PTPRA: variants seen among roughly 807,000 people sequenced by gnomAD.
The protein encoded by PTPRA is receptor-type tyrosine-protein phosphatase alpha.
Under a neutral mutation model 104.8 loss-of-function variants are expected in PTPRA, and 25 were observed. That is an observed-to-expected ratio of 0.24 (90% CI 0.17 to 0.33). The LOEUF (loss-of-function observed/expected upper bound fraction) is 0.33. Ranked by LOEUF, PTPRA falls within the 10% of genes least tolerant of loss-of-function variation. PTPRA has a pLI of 1.00. For synonymous variants in PTPRA, 323 were observed against 368.9 expected, an observed-to-expected ratio of 0.88 and a Z score of 1.43; for missense variants, 765 against 1,015.3, an observed-to-expected ratio of 0.75 and a Z score of 3.35.
intron 8 of PTPRA, 64 bp downstream of exon 8, chr20:2,988,169 TC>T: frequency 6.6e-7 from 1 of 1,525,050 alleles, no homozygotes; most frequent in Non-Finnish European, 9.0e-7. Flanking sequence ...ATTAGGAGTT[TC>T]TCCATCCTTT....
At position 2,964,757 on chromosome 20, in the gene PTPRA, T is replaced by A. The variant is rs2061884767; in HGVS notation, c.74-104T>A. The A allele has an allele frequency of 2.9e-6, 3 of 1,019,582 alleles. No individual in the cohort carries two copies. In the South Asian group the frequency reaches 4.9e-5, roughly 17 times the overall value. 63.2% of individuals were successfully genotyped at this position (1,019,582 alleles called of 1,614,324 possible). ...TTGAGGGGGATTGGTCTTTGCTTGGTCTCCATATGTTTGAGAGTTTATTAA... is the reference window on the plus strand; with the variant it reads ...TTGAGGGGGATTGGTCTTTGCTTGGACTCCATATGTTTGAGAGTTTATTAA... On this transcript the variant is annotated intron_variant, in intron 4 of 23. Transcript: ENST00000399903.
At chr20:2,990,167 G>C (rs1398918447) in intron 9 of PTPRA, among the ~76,000 whole-genome samples, 2 of 152,212 alleles carry the variant, frequency 1.3e-5, no homozygotes, top group African/African-American at 4.8e-5. Flanking sequence ...ATGGGGGATG[G>C]ATTTAAGGAC....
intron 1 of PTPRA, among the ~76,000 whole-genome samples, chr20:2,881,497 T>G (rs2090047908): frequency 6.6e-6 from 1 of 152,152 alleles, no homozygotes; most frequent in African/African-American, 2.4e-5. Flanking sequence ...TAACTTCAAT[T>G]ATTAAAATTT....
chr20:3,021,211 C>G (rs1310534393), intron 13 of PTPRA, 98 bp from the exon 14 acceptor site: 1 of 1,543,756 alleles, frequency 6.5e-7, no homozygotes, highest in Non-Finnish European at 8.8e-7. Flanking sequence ...TTCTGGGGGA[C>G]TTTAATCTGG....
At chr20:2,993,352 G>C (rs1045083513) in intron 9 of PTPRA, among the ~76,000 whole-genome samples, 1 of 152,192 alleles carries the variant, frequency 6.6e-6, no homozygotes, top group African/African-American at 2.4e-5. Context: ...GTATTTTTAT[G>C]TCTGACATGT....
intron 3 of PTPRA, among the ~76,000 whole-genome samples, chr20:2,954,611 A>G (rs990049884): frequency 9.9e-5 from 15 of 152,154 alleles, no homozygotes; most frequent in African/African-American, 3.6e-4. Flanking sequence ...TCCTTATTGG[A>G]TATGTGATTG....
intron 9 of PTPRA, among the ~76,000 whole-genome samples, chr20:2,989,778 G>A (rs569800005): frequency 2.0e-4 from 30 of 152,300 alleles, no homozygotes; most frequent in Admixed American, 9.8e-4. Flanking sequence ...AGCACTTTGG[G>A]AGGCCAAGGC....
chr20:2,905,931 C>T (rs931189582), intron 1 of PTPRA, among the ~76,000 whole-genome samples: 1 of 151,944 alleles, frequency 6.6e-6, no homozygotes, highest in Admixed American at 6.6e-5. Context: ...GGTGATCCAC[C>T]CGCCTCGGCC....
chr20:2,995,195 AATCTAT>A (rs1486016058), intron 9 of PTPRA, among the ~76,000 whole-genome samples: 2 of 152,176 alleles, frequency 1.3e-5, no homozygotes, highest in Non-Finnish European at 2.9e-5. Flanking sequence ...ACGTCTCCAA[AATCTAT>A]ATCAACAATT....
chr20:2,935,193 T>A (rs2060646824), intron 2 of PTPRA, among the ~76,000 whole-genome samples: 2 of 152,202 alleles, frequency 1.3e-5, no homozygotes, highest in Non-Finnish European at 2.9e-5. Context: ...TACTCTCTAT[T>A]TCTATGAATT....
intron 1 of PTPRA, among the ~76,000 whole-genome samples, chr20:2,874,211 GGCCCCTCTCC>G (rs2089555859): frequency 2.0e-5 from 1 of 49,818 alleles, no homozygotes; most frequent in Admixed American, 1.9e-4. Flanking sequence ...CCGTCTCCCA[GGCCCCTCTCC>G]TTGCCGCCCT....
intron 2 of PTPRA, among the ~76,000 whole-genome samples, chr20:2,943,209 C>G (rs1195984812): frequency 2.9e-5 from 3 of 103,380 alleles, no homozygotes; most frequent in African/African-American, 7.6e-5. Context: ...GAACATATCC[C>G]CCCACCCCCC....
chr20:2,941,681 TCCAGCTTC>T (rs2060926331), intron 2 of PTPRA, among the ~76,000 whole-genome samples: 2 of 152,262 alleles, frequency 1.3e-5, no homozygotes, highest in Non-Finnish European at 2.9e-5. Context: ...TGTATACATC[TCCAGCTTC>T]CTGGCACCTG....
intron 11 of PTPRA, among the ~76,000 whole-genome samples, chr20:3,013,380 G>A (rs2148361333): frequency 6.6e-6 from 1 of 151,836 alleles, no homozygotes; most frequent in East Asian, 1.9e-4. Context: ...GGAGAAACCA[G>A]TTTCCTTACT....
intron 3 of PTPRA, among the ~76,000 whole-genome samples, chr20:2,962,435 G>A (rs1246037278): frequency 6.6e-6 from 1 of 152,176 alleles, no homozygotes; most frequent in East Asian, 1.9e-4. Context: ...TATATGGAAT[G>A]AGGTGGTGGT....
chr20:2,866,267 C>T, the PTPRA span: 1 of 1,614,148 alleles, frequency 6.2e-7, no homozygotes, highest in Non-Finnish European at 8.5e-7. Context: ...AAGAAGTATG[C>T]TTCCCGCGTG....
intron 6 of PTPRA, among the ~76,000 whole-genome samples, chr20:2,980,322 C>T (rs1039837192): frequency 2.0e-5 from 3 of 151,638 alleles, no homozygotes; most frequent in African/African-American, 7.3e-5. Context: ...AATCCCAGCA[C>T]TTTGGGAGGC....
chr20:2,953,512 C>T (rs6138962), intron 3 of PTPRA, among the ~76,000 whole-genome samples: 23,041 of 151,992 alleles, frequency 0.15, 2,063 homozygotes, highest in East Asian at 0.32. Context: ...CTCAGCCTCC[C>T]GAAGTGCTGG....
At chr20:2,891,805 A>C (rs953818532) in intron 1 of PTPRA, among the ~76,000 whole-genome samples, 2 of 152,084 alleles carry the variant, frequency 1.3e-5, no homozygotes, top group Non-Finnish European at 2.9e-5. Context: ...AAAATGGCAT[A>C]TTTGCATGTA....
Sources: allele counts gnomAD v4.1 joint callset (sites outside exome capture counted in the v4.1 genomes callset), GRCh38; gene constraint gnomAD v4.1.1; transcripts MANE v1.5; gene names NCBI Gene and HGNC (gene_info 2026-07-23, HGNC 2026-07-21).